The following TMEM108 variants were observed in gnomAD, a reference collection of about 807,000 sequenced individuals.
The protein encoded by TMEM108 is cancer/testis antigen 124.
A neutral mutation model predicts 35.1 loss-of-function variants in TMEM108; 12 were observed. The ratio of observed to expected loss-of-function variants is 0.34; its 90% CI spans 0.22 to 0.55. The LOEUF is 0.55. Among genes scored for constraint, TMEM108 ranks in the 20% least tolerant of loss-of-function variants. TMEM108 has a pLI of 0.89. For missense variants in TMEM108, 680 were observed against 753.3 expected (o/e 0.90, Z 1.14); for synonymous variants, 287 against 308.6 (o/e 0.93, Z 0.73).
At chr3:133,274,886 G>A (rs1415783770) in intron 3 of TMEM108, among the ~76,000 whole-genome samples, 1 of 152,186 alleles carries the variant, frequency 6.6e-6, no homozygotes, top group African/African-American at 2.4e-5. Flanking sequence ...ATTGCCAGCA[G>A]AGCTGATGAA....
intron 2 of TMEM108, among the ~76,000 whole-genome samples, chr3:133,075,232 A>T (rs932625743): frequency 2.0e-5 from 3 of 152,146 alleles, no homozygotes; most frequent in Non-Finnish European, 4.4e-5. Flanking sequence ...TTCCTCTGGG[A>T]TATATACAAG....
At chr3:133,132,828 T>C (rs1230021252) in intron 2 of TMEM108, among the ~76,000 whole-genome samples, 2 of 151,998 alleles carry the variant, frequency 1.3e-5, no homozygotes, top group Admixed American at 1.3e-4. Context: ...TCGTGATTTA[T>C]GGGAAGAGGT....
chr3:133,396,675 C>T lies in TMEM108; in HGVS notation c.*689C>T, dbSNP rs1211809987. 6.6e-6 allele frequency: 1 copy of T among 152,188 alleles called. No homozygotes were observed. Among genetic ancestry groups the T allele is most frequent in the Admixed American group, 6.5e-5 (1 of 15,276 alleles). 9.4% of individuals were successfully genotyped at this position (152,188 alleles called of 1,614,324 possible). On this transcript the variant is annotated 3_prime_UTR_variant, in exon 6 of 6. Coordinates refer to ENST00000321871, the MANE Select transcript of TMEM108 (RefSeq NM_023943.4). ...ACTGCTAACAACAGGACTGCCTTTCCCTGGTGGGAAAATGCTCCCTTTATG... is the reference window on the plus strand; with the variant it reads ...ACTGCTAACAACAGGACTGCCTTTCTCTGGTGGGAAAATGCTCCCTTTATG...
At chr3:133,145,740 G>A (rs1397167694) in intron 2 of TMEM108, among the ~76,000 whole-genome samples, 1 of 152,136 alleles carries the variant, frequency 6.6e-6, no homozygotes, top group Non-Finnish European at 1.5e-5. Flanking sequence ...GTGAATAAGA[G>A]TTCACTCATG....
Position 133,309,682 on chromosome 3 carries a change from CTTTTT to C in TMEM108, c.41-70038_41-70034del, listed in dbSNP as rs148272827. ...TAGTTATGCGGGTTTGAGTGAGTTTCTTTTTTTTTTTTTTTTTTTTTTTTTTTTTT... is the reference window on the plus strand; with the variant it reads ...TAGTTATGCGGGTTTGAGTGAGTTTCTTTTTTTTTTTTTTTTTTTTTTTTT... On this transcript the variant is annotated intron_variant, in intron 3 of 5. Transcript: ENST00000321871. Among the ~76,000 whole-genome samples, 425 of 69,136 alleles carry C rather than the reference CTTTTT, an allele frequency of 6.1e-3. 7 individuals carry two copies. Among genetic ancestry groups the C allele is most frequent in the African/African-American group, 0.019 (328 of 17,092 alleles). The allele number at this position is 69,136 out of a possible 152,430, so 45.4% of individuals were successfully genotyped here.
chr3:133,088,629 C>A (rs569849440), intron 2 of TMEM108, among the ~76,000 whole-genome samples: 2 of 152,302 alleles, frequency 1.3e-5, no homozygotes, highest in African/African-American at 4.8e-5. Flanking sequence ...GCAGTATATT[C>A]ACACTGTATT....
chr3:133,302,763 A>G (rs1370375796), intron 3 of TMEM108, among the ~76,000 whole-genome samples: 4 of 152,032 alleles, frequency 2.6e-5, no homozygotes, highest in Admixed American at 6.5e-5. Context: ...TTAATATTAC[A>G]GTATTTTTAC....
intron 3 of TMEM108, among the ~76,000 whole-genome samples, chr3:133,261,236 C>G (rs1054635049): frequency 6.6e-6 from 1 of 152,134 alleles, no homozygotes; most frequent in South Asian, 2.1e-4. Context: ...TAAATTTCTA[C>G]CTCAGATGCT....
intron 1 of TMEM108, among the ~76,000 whole-genome samples, chr3:133,044,617 A>C (rs981304149): frequency 1.3e-5 from 2 of 152,184 alleles, no homozygotes; most frequent in Non-Finnish European, 2.9e-5. Flanking sequence ...AACAAACCCG[A>C]ACCTGCATTT....
At chr3:133,379,563 CACCT>C (rs1428206905) in intron 3 of TMEM108, among the ~76,000 whole-genome samples, 185 bp from the exon 4 acceptor site, 1 of 152,106 alleles carries the variant, frequency 6.6e-6, no homozygotes, top group Non-Finnish European at 1.5e-5. Context: ...TACCAGGCAG[CACCT>C]ACCTAATAGA....
At chr3:133,333,402 G>T (rs1365344749) in intron 3 of TMEM108, among the ~76,000 whole-genome samples, 1 of 151,868 alleles carries the variant, frequency 6.6e-6, no homozygotes, top group Non-Finnish European at 1.5e-5. Flanking sequence ...CTTAGAGCCA[G>T]AAAGACCTTT....
chr3:133,187,939 CTGATACCT>C (rs1247280921), intron 2 of TMEM108, among the ~76,000 whole-genome samples: 4 of 144,114 alleles, frequency 2.8e-5, no homozygotes, highest in African/African-American at 1.0e-4. Flanking sequence ...TTTTAAAAAT[CTGATACCT>C]CATGTACCTC....
At chr3:133,227,761 G>C (rs916787489) in intron 2 of TMEM108, among the ~76,000 whole-genome samples, 2 of 151,950 alleles carry the variant, frequency 1.3e-5, no homozygotes, top group Non-Finnish European at 2.9e-5. Flanking sequence ...TGGATGTGGT[G>C]GTGTGTGCCT....
chr3:133,164,037 T>G (rs1944999560), intron 2 of TMEM108, among the ~76,000 whole-genome samples: 2 of 152,192 alleles, frequency 1.3e-5, no homozygotes, highest in Non-Finnish European at 2.9e-5. Context: ...TAACTTCCTA[T>G]CAAAGATACA....
chr3:133,074,330 T>A (rs1241397147), intron 2 of TMEM108: 1 of 152,202 alleles, frequency 6.6e-6, no homozygotes, highest in Non-Finnish European at 1.5e-5. Flanking sequence ...TTTCAACTTA[T>A]GGTGGTGTGA....
At chr3:133,059,092 G>A (rs953255350) in intron 2 of TMEM108, among the ~76,000 whole-genome samples, 2 of 152,216 alleles carry the variant, frequency 1.3e-5, no homozygotes, top group Non-Finnish European at 2.9e-5. Flanking sequence ...ATAGTGAAAA[G>A]ACAGCGGACT....
rs77629945 is a variant in TMEM108 at position 133,110,178 on chromosome 3, A to G, written c.-47+64158A>G. On this transcript the variant is annotated intron_variant, in intron 2 of 5. Transcript: ENST00000321871. The stretch of plus-strand genomic sequence containing the variant: ...AAAAAGGAGGAAAATCAAGGAGCCT[A>G]TATGTTCTCTGAGAGAGCTACATAA... Among the ~76,000 whole-genome samples, 77 of 152,242 alleles carry G rather than the reference A, an allele frequency of 5.1e-4. No individual in the cohort carries two copies. In the East Asian group the frequency reaches 0.011, roughly 22 times the overall value.
intron 3 of TMEM108, among the ~76,000 whole-genome samples, chr3:133,300,819 G>A (rs1418001724): frequency 6.6e-6 from 1 of 151,976 alleles, no homozygotes; most frequent in East Asian, 1.9e-4. Flanking sequence ...CTCTGGTTTG[G>A]TGGATTTGCA....
chr3:133,139,954 G>A (rs1213156945), intron 2 of TMEM108, among the ~76,000 whole-genome samples: 2 of 152,206 alleles, frequency 1.3e-5, no homozygotes, highest in Non-Finnish European at 2.9e-5. Flanking sequence ...AGGACTTTCA[G>A]GTAATGGAGC....
Sources: allele counts gnomAD v4.1 joint callset (sites outside exome capture counted in the v4.1 genomes callset), GRCh38; gene constraint gnomAD v4.1.1; transcripts MANE v1.5; gene names NCBI Gene and HGNC (gene_info 2026-07-23, HGNC 2026-07-21).